Variants in GOLGB1 observed in about 807,000 individuals in gnomAD.
GOLGB1 encodes golgin subfamily B member 1.
A neutral mutation model predicts 336.9 loss-of-function variants in GOLGB1; 174 were observed. The observed-to-expected ratio is 0.52, with a 90% CI of 0.46 to 0.59. The LOEUF is 0.59. GOLGB1 is among the 20% of genes least tolerant of loss of function. The probability of loss-of-function intolerance (pLI) is 0.00; values close to 1 mark genes in which losing one functional copy is unlikely to be tolerated. For synonymous variants in GOLGB1, 1,208 were observed against 1,289.2 expected (o/e 0.94, Z 1.35); for missense variants, 3,331 against 3,645.3 (o/e 0.91, Z 2.22).
At chr3:121,669,414 A>C (rs1560164787) in intron 17 of GOLGB1, 59 bp from the exon 18 acceptor site, 9 of 1,374,570 alleles carry the variant, frequency 6.5e-6, no homozygotes, top group Non-Finnish European at 5.0e-6. Flanking sequence ...GCTGAGGTGA[A>C]ATGTTCTGAG....
chr3:121,674,193 C>T (rs1231527407), intron 17 of GOLGB1, among the ~76,000 whole-genome samples: 1 of 151,380 alleles, frequency 6.6e-6, no homozygotes, highest in Non-Finnish European at 1.5e-5. Flanking sequence ...ATATCATCTG[C>T]AAAAAAGGCT....
rs532425524 is a variant in GOLGB1, at chr3:121,665,210, G to A, written c.9555-179C>T. ...ACCAGCAGATACGTTTCCTTCAGCA[G>A]CAGCAAAATGTGACAATAACTATCA... is the stretch of plus-strand genomic sequence containing the variant. On this transcript the variant is annotated intron_variant, in intron 20 of 21. Transcript: ENST00000614479. Among the ~76,000 whole-genome samples the A allele has an allele frequency of 4.6e-5, 7 of 152,334 alleles. No individual in the cohort carries two copies. The South Asian group carries it at 8.3e-4, about 18-fold the overall frequency.
chr3:121,678,660 C>T (rs1265444220), intron 15 of GOLGB1, among the ~76,000 whole-genome samples: 1 of 152,030 alleles, frequency 6.6e-6, no homozygotes, highest in Non-Finnish European at 1.5e-5. Context: ...CTCCACCTCC[C>T]GGGTTCAAGC....
rs1329155324 is a variant in GOLGB1 at position 121,664,962 on chromosome 3, T to C, written c.9624A>G (p.Ala3208=). 6.2e-7 allele frequency: 1 copy of C among 1,609,400 alleles called. No individual in the cohort carries two copies. Among genetic ancestry groups the C allele is most frequent in the South Asian group, 1.1e-5 (1 of 90,974 alleles). Residue 3208 remains alanine, a synonymous_variant, in exon 21 of 22, where the codon GCA becomes GCG. Coordinates refer to ENST00000614479, the MANE Select transcript of GOLGB1 (RefSeq NM_001366282.2). ...TGTTGCTTGTAAGATCTATTAACAGTGCCTGCTCCTGAGTGCCACAGGAGC... is the reference window on the plus strand; with the variant it reads ...TGTTGCTTGTAAGATCTATTAACAGCGCCTGCTCCTGAGTGCCACAGGAGC... ...IIGSCGTQEQ[A]LLIDLTSNSC...
intron 17 of GOLGB1, among the ~76,000 whole-genome samples, chr3:121,675,551 A>G (rs982335318): frequency 6.6e-6 from 1 of 152,228 alleles, no homozygotes; most frequent in Non-Finnish European, 1.5e-5. Flanking sequence ...AAATAAATGA[A>G]GCAATATAAA....
intron 17 of GOLGB1, 114 bp downstream of exon 17, chr3:121,676,779 T>A: frequency 1.1e-6 from 1 of 907,238 alleles, no homozygotes; most frequent in African/African-American, 1.7e-5. Flanking sequence ...GTGAAACTTC[T>A]GTACCCTAAG....
At position 121,727,006 on chromosome 3, in the gene GOLGB1, T is replaced by G; in HGVS notation, c.438A>C (p.Ile146=). 1 of 1,596,814 alleles carries G rather than the reference T, an allele frequency of 6.3e-7. No individual in the cohort carries two copies. Among genetic ancestry groups the G allele is most frequent in the Admixed American group, 1.7e-5 (1 of 59,370 alleles). Residue 146 remains isoleucine (I), a synonymous_variant, in exon 5 of 22, where the codon ATA becomes ATC. Transcript: ENST00000614479. ...CCTGGAGCTTATGTTTTATCTTTTCTATTTCCATCTCTTCCTCTGTAGAAC... is the reference window on the plus strand; with the variant it reads ...CCTGGAGCTTATGTTTTATCTTTTCGATTTCCATCTCTTCCTCTGTAGAAC... The part of the protein sequence containing the change: ...DKSSTEEEME[I]EKIKHKLQEK...
chr3:121,667,071 C>T (rs1437658663), intron 20 of GOLGB1, among the ~76,000 whole-genome samples: 3 of 152,318 alleles, frequency 2.0e-5, no homozygotes, highest in South Asian at 4.1e-4. Flanking sequence ...ATTCTTTTAA[C>T]ATCATTTATA....
rs556211030 is a variant in GOLGB1 at position 121,736,359 on chromosome 3, C to G, written c.-2-5386G>C. On this transcript the variant is annotated intron_variant, in intron 1 of 21. Transcript: ENST00000614479. Reference sequence around the variant, plus strand: ...AACCAAGTGATCAAGATTAACATCACCAGTGATAAGTCATCGTAATATCAT... The same window carrying G: ...AACCAAGTGATCAAGATTAACATCAGCAGTGATAAGTCATCGTAATATCAT... Among the ~76,000 whole-genome samples the G allele has an allele frequency of 1.3e-4, 20 of 152,232 alleles. No homozygotes were observed. In the South Asian group the frequency reaches 3.9e-3, roughly 30 times the overall value.
rs772876165 is a variant in GOLGB1, at chr3:121,694,450, CTTG to C, written c.6070_6072del (p.Gln2024del). ...CAGTCCTTCTGTAGCTGCTTTACTT[CTTG>C]TTGTTTTTCTTTTAACAGTTCCTGA... On this transcript the variant is annotated inframe_deletion, in exon 13 of 22. Coordinates refer to ENST00000614479, the MANE Select transcript of GOLGB1 (RefSeq NM_001366282.2). The C allele has an allele frequency of 1.8e-4, 291 of 1,612,960 alleles. 1 individual carries two copies. Among genetic ancestry groups the C allele is most frequent in the Non-Finnish European group, 2.4e-4 (279 of 1,179,886 alleles).
chr3:121,681,624 C>T, intron 15 of GOLGB1, 63 bp downstream of exon 15: 16 of 1,187,582 alleles, frequency 1.3e-5, no homozygotes, highest in Non-Finnish European at 1.9e-5. Flanking sequence ...CCCAAATCTA[C>T]AATTATTTCA....
At chr3:121,706,732 T>TAAAAAAAAAAAAAAAAAAAAAAAAAAAA (rs1560263924) in intron 10 of GOLGB1, among the ~76,000 whole-genome samples, 1 of 2,046 alleles carries the variant, frequency 4.9e-4, no homozygotes, top group African/African-American at 2.6e-3. Flanking sequence ...AGACTCTGTC[T>TAAAAAAAAAAAAAAAAAAAAAAAAAAAA]CAAAAAAAAA....
At chr3:121,686,164 G>T (rs1034374050) in intron 14 of GOLGB1, among the ~76,000 whole-genome samples, 3 of 152,176 alleles carry the variant, frequency 2.0e-5, no homozygotes, top group Admixed American at 6.5e-5. Context: ...CTCTTTATGG[G>T]AACACAGAAG....
chr3:121,736,604 T>C (rs1168613026), intron 1 of GOLGB1, among the ~76,000 whole-genome samples: 2 of 152,078 alleles, frequency 1.3e-5, no homozygotes, highest in Non-Finnish European at 2.9e-5. Context: ...GGAGACATGC[T>C]GATTAAATGC....
chr3:121,668,741 T>A (rs1006802972), intron 18 of GOLGB1, among the ~76,000 whole-genome samples: 3 of 151,818 alleles, frequency 2.0e-5, no homozygotes, highest in African/African-American at 7.3e-5. Context: ...GAAGCCACTT[T>A]GATCCTTCCC....
chr3:121,665,060 A>G (rs770342494), intron 20 of GOLGB1, 29 bp from the exon 21 acceptor site: 13 of 1,241,360 alleles, frequency 1.0e-5, no homozygotes, highest in Non-Finnish European at 1.5e-5. Context: ...GAGGCATAGC[A>G]TTGGTTCATA....
chr3:121,670,761 G>GC (rs1250406387), intron 17 of GOLGB1, among the ~76,000 whole-genome samples: 2 of 149,170 alleles, frequency 1.3e-5, no homozygotes, highest in African/African-American at 2.5e-5. Context: ...CTTTTGGGGG[G>GC]GGGGGTGTGG....
chr3:121,698,165 T>A lies in GOLGB1; in HGVS notation c.2358A>T (p.Arg786Ser). ...MNLAEAERQR[R>S]LDYESQTAHD... ...GGGCAGTTTGGCTTTCATAATCAAG[T>A]CTTCTTTGCCTTTCTGCTTCTGCAA... The change falls in exon 13 of 22, where the codon AGA (arginine) becomes AGT (serine). Residue 786 changes from arginine to serine, a missense_variant. Coordinates refer to ENST00000614479, the MANE Select transcript of GOLGB1 (RefSeq NM_001366282.2). The A allele has an allele frequency of 1.9e-6, 3 of 1,613,820 alleles. No homozygotes were observed. The highest frequency in any genetic ancestry group is 2.5e-6 in the Non-Finnish European group (3 of 1,179,956).
chr3:121,705,761 T>C (rs749976800), intron 10 of GOLGB1, among the ~76,000 whole-genome samples: 2 of 152,242 alleles, frequency 1.3e-5, no homozygotes, highest in Non-Finnish European at 2.9e-5. Context: ...CTATCTGAAC[T>C]ACCCCTACCT....
Sources: gnomAD v4.1 joint callset for allele counts (sites outside exome capture counted in the v4.1 genomes callset) on GRCh38, gnomAD v4.1.1 for gene constraint, MANE v1.5 for transcripts, NCBI Gene and HGNC (gene_info 2026-07-23, HGNC 2026-07-21) for gene names.